CPNE8: variants seen among roughly 807,000 people sequenced by gnomAD.
The protein encoded by CPNE8 is copine 8, also known as copine-8.
A neutral mutation model predicts 81.5 loss-of-function variants in CPNE8; 45 were observed. That is an observed-to-expected ratio of 0.55 (90% confidence interval 0.44 to 0.71). The LOEUF (loss-of-function observed/expected upper bound fraction) is 0.71, where lower values mean the gene tolerates loss of function less well. Among genes scored for constraint, CPNE8 ranks in the 30% least tolerant of loss-of-function variants. The pLI is 0.00. For synonymous variants in CPNE8, 252 were observed against 226.3 expected (o/e 1.11, Z -1.02); for missense variants, 594 against 672.1 (o/e 0.88, Z 1.28).
intron 7 of CPNE8, among the ~76,000 whole-genome samples, chr12:38,773,507 G>A (rs1182626743): frequency 6.6e-6 from 1 of 151,924 alleles, no homozygotes; most frequent in Non-Finnish European, 1.5e-5. Context: ...TAAAAAAATT[G>A]TCATTTTACA....
intron 7 of CPNE8, among the ~76,000 whole-genome samples, chr12:38,770,179 T>G (rs1461981235): frequency 6.6e-6 from 1 of 152,194 alleles, no homozygotes; most frequent in African/African-American, 2.4e-5. Flanking sequence ...TCACAGGCAC[T>G]TCTAACATAT....
At chr12:38,657,537 CG>C (rs1591992521) in intron 19 of CPNE8, among the ~76,000 whole-genome samples, 1 of 152,180 alleles carries the variant, frequency 6.6e-6, no homozygotes, top group Admixed American at 6.5e-5. Flanking sequence ...TCTCCCAGCA[CG>C]GCGTTTGAGC....
At chr12:38,799,567 A>G (rs1487629617) in intron 6 of CPNE8, among the ~76,000 whole-genome samples, 2 of 152,186 alleles carry the variant, frequency 1.3e-5, no homozygotes, top group African/African-American at 4.8e-5. Context: ...GGAAATTTAT[A>G]GCACTAAATG....
intron 1 of CPNE8, among the ~76,000 whole-genome samples, chr12:38,902,779 T>C (rs1944509552): frequency 6.6e-6 from 1 of 152,258 alleles, no homozygotes; most frequent in East Asian, 1.9e-4. Flanking sequence ...GAATCATATA[T>C]AACACATTTA....
chr12:38,717,215 T>C (rs1940417615), intron 13 of CPNE8, among the ~76,000 whole-genome samples: 1 of 151,580 alleles, frequency 6.6e-6, no homozygotes, highest in African/African-American at 2.4e-5. Flanking sequence ...ACAACCACTA[T>C]GGAAAACAGT....
intron 6 of CPNE8, among the ~76,000 whole-genome samples, chr12:38,805,917 G>A (rs1350552587): frequency 6.7e-6 from 1 of 149,090 alleles, no homozygotes; most frequent in South Asian, 2.2e-4. Flanking sequence ...ATGATAAAGG[G>A]GATATCACCA....
At chr12:38,656,335 T>C (rs1219509537) in intron 19 of CPNE8, among the ~76,000 whole-genome samples, 5 of 139,280 alleles carry the variant, frequency 3.6e-5, no homozygotes, top group Non-Finnish European at 4.9e-5. Context: ...TTTTTTTTTT[T>C]GAAGAGTTTT....
intron 17 of CPNE8, 114 bp downstream of exon 17, chr12:38,677,338 G>T: frequency 1.6e-6 from 1 of 644,934 alleles, no homozygotes; most frequent in Non-Finnish European, 2.8e-6. Context: ...GATGCAATCT[G>T]CTGCAAAGGT....
intron 16 of CPNE8, among the ~76,000 whole-genome samples, chr12:38,685,077 A>G (rs1939503595): frequency 1.3e-5 from 2 of 152,214 alleles, no homozygotes; most frequent in African/African-American, 4.8e-5. Flanking sequence ...TGTCGTTGAC[A>G]GCTTCAAGTA....
At chr12:38,718,707 T>C (rs1474951273) in intron 13 of CPNE8, among the ~76,000 whole-genome samples, 1 of 152,212 alleles carries the variant, frequency 6.6e-6, no homozygotes, top group African/African-American at 2.4e-5. Flanking sequence ...ACTCTACAGA[T>C]ATGCTTGCAT....
chr12:38,808,114 A>G (rs1361746021), intron 6 of CPNE8, among the ~76,000 whole-genome samples: 1 of 152,056 alleles, frequency 6.6e-6, no homozygotes, highest in Non-Finnish European at 1.5e-5. Context: ...CAGGTGCTGG[A>G]GAGGATGTGG....
chr12:38,736,822 A>G (rs1387301774), intron 10 of CPNE8, among the ~76,000 whole-genome samples: 1 of 152,094 alleles, frequency 6.6e-6, no homozygotes, highest in African/African-American at 2.4e-5. Flanking sequence ...TCACAAATGT[A>G]ACTTAATCTA....
chr12:38,723,910 A>C lies in CPNE8; in HGVS notation c.853-77T>G, dbSNP rs1015413189. 7.7e-5 allele frequency: 64 copies of C among 827,798 alleles called. No individual in the cohort carries two copies. The East Asian group carries it at 1.6e-3, about 20-fold the overall frequency. The allele number at this position is 827,798 out of a possible 1,614,324, so 51.3% of individuals were successfully genotyped here. Reference sequence around the variant, plus strand: ...GACCTTTCTAATTATTAGAGAGAAAATCATATTTCTTTGCATTTTGAAACT... The same window carrying C: ...GACCTTTCTAATTATTAGAGAGAAACTCATATTTCTTTGCATTTTGAAACT... On this transcript the variant is annotated intron_variant, in intron 12 of 19. Transcript: ENST00000331366.
At chr12:38,799,186 G>A (rs77665592) in intron 6 of CPNE8, among the ~76,000 whole-genome samples, 2 of 152,214 alleles carry the variant, frequency 1.3e-5, no homozygotes, top group African/African-American at 4.8e-5. Flanking sequence ...ACTCATCTCT[G>A]CACCAAGGGG....
At chr12:38,775,996 G>A (rs1027241546) in intron 7 of CPNE8, among the ~76,000 whole-genome samples, 1 of 151,894 alleles carries the variant, frequency 6.6e-6, no homozygotes, top group Non-Finnish European at 1.5e-5. Flanking sequence ...ATTGATATTA[G>A]GTGTTATTTT....
chr12:38,680,456 T>C (rs1379044847), intron 16 of CPNE8, among the ~76,000 whole-genome samples: 1 of 152,066 alleles, frequency 6.6e-6, no homozygotes, highest in Non-Finnish European at 1.5e-5. Flanking sequence ...AAGTGATCAC[T>C]GTATCCACAT....
At chr12:38,894,080 T>G in intron 1 of CPNE8, among the ~76,000 whole-genome samples, 1 of 152,154 alleles carries the variant, frequency 6.6e-6, no homozygotes, top group Non-Finnish European at 1.5e-5. Flanking sequence ...TAGGTCATCT[T>G]GACCAGAGAC....
chr12:38,673,749 A>C (rs1252154200), intron 18 of CPNE8, among the ~76,000 whole-genome samples: 1 of 151,930 alleles, frequency 6.6e-6, no homozygotes, highest in African/African-American at 2.4e-5. Flanking sequence ...ATCTTCATTT[A>C]CCTTTCTGCA....
At chr12:38,662,652 T>C (rs1210693320) in intron 19 of CPNE8, among the ~76,000 whole-genome samples, 2 of 152,162 alleles carry the variant, frequency 1.3e-5, no homozygotes, top group South Asian at 2.1e-4. Context: ...TAAAATTTGT[T>C]TGGAGCCACA....
Sources: allele counts gnomAD v4.1 joint callset (sites outside exome capture counted in the v4.1 genomes callset), GRCh38; gene constraint gnomAD v4.1.1; transcripts MANE v1.5; gene names NCBI Gene and HGNC (gene_info 2026-07-23, HGNC 2026-07-21).